KLHL24: variants seen among roughly 807,000 people sequenced by gnomAD.
KLHL24 encodes the protein kelch like family member 24.
A neutral mutation model predicts 53.4 loss-of-function variants in KLHL24; 29 were observed. The ratio of observed to expected loss-of-function variants is 0.54; its 90% confidence interval spans 0.40 to 0.74. The LOEUF (loss-of-function observed/expected upper bound fraction) is 0.74, where lower values mean the gene tolerates loss of function less well. Ranked by LOEUF, KLHL24 falls within the 30% of genes least tolerant of loss-of-function variation. KLHL24 has a pLI of 0.00. For synonymous variants in KLHL24, 222 were observed against 253.7 expected, an observed-to-expected ratio of 0.88 and a Z score of 1.19; for missense variants, 504 against 744.0, an observed-to-expected ratio of 0.68 and a Z score of 3.75.
At chr3:183,665,475 G>T (rs948690020) in intron 5 of KLHL24, among the ~76,000 whole-genome samples, 6 of 152,302 alleles carry the variant, frequency 3.9e-5, no homozygotes, top group Admixed American at 6.5e-5. Flanking sequence ...AACAGGCCAG[G>T]CACGTTGGCT....
At chr3:183,666,064 G>C (rs1720511585) in intron 5 of KLHL24, among the ~76,000 whole-genome samples, 1 of 152,056 alleles carries the variant, frequency 6.6e-6, no homozygotes, top group Admixed American at 6.6e-5. Context: ...TATATTTTTA[G>C]TAGAGGCAGG....
chr3:183,639,350 G>GA (rs1715914318), intron 1 of KLHL24, among the ~76,000 whole-genome samples: 1 of 152,114 alleles, frequency 6.6e-6, no homozygotes, highest in Non-Finnish European at 1.5e-5. Flanking sequence ...CAAATTTGTG[G>GA]CCGGGCGCGG....
At chr3:183,647,712 A>G (rs187275869) in intron 2 of KLHL24, among the ~76,000 whole-genome samples, 28 of 152,160 alleles carry the variant, frequency 1.8e-4, no homozygotes, top group Middle Eastern at 3.4e-3. Flanking sequence ...AAACAAAACA[A>G]AACATAACAG....
In KLHL24 at chr3:183,649,473, A is replaced by G. The variant is rs534575105; in HGVS notation, c.-61-823A>G. Among the ~76,000 whole-genome samples, 5 of 127,654 alleles carry G rather than the reference A, an allele frequency of 3.9e-5. 1 individual carries two copies. The South Asian group carries it at 6.6e-4, about 17-fold the overall frequency. 83.7% of individuals were successfully genotyped at this position (127,654 alleles called of 152,430 possible). On this transcript the variant is annotated intron_variant, in intron 2 of 7. Coordinates refer to ENST00000242810, the MANE Select transcript of KLHL24 (RefSeq NM_017644.3). ...TATCAATACAGCATTGGACATCTGC[A>G]TAGATAAATCTGTCGACATAATTCT...
intron 2 of KLHL24, among the ~76,000 whole-genome samples, chr3:183,645,644 GAT>G (rs1717118515): frequency 6.6e-6 from 1 of 151,814 alleles, no homozygotes; most frequent in Non-Finnish European, 1.5e-5. Context: ...TTTAAACTCA[GAT>G]ATATTTTTAT....
chr3:183,679,218 C>T lies in KLHL24; in HGVS notation c.1735C>T (p.Pro579Ser), dbSNP rs377181237. 74 of 1,613,688 alleles carry T rather than the reference C, an allele frequency of 4.6e-5. No individual in the cohort carries two copies. The highest frequency in any genetic ancestry group is 5.8e-5 in the Non-Finnish European group (69 of 1,179,814). Residue 579 changes from proline to serine, a missense_variant, in exon 8 of 8, where the codon CCC becomes TCC. Coordinates refer to ENST00000242810, the MANE Select transcript of KLHL24 (RefSeq NM_017644.3). ...TSIITGVAAMPRPVSYHGCVT... is the reference protein window; with the variant it reads ...TSIITGVAAMSRPVSYHGCVT... ...TATCATCACAGGGGTAGCTGCAATGCCCAGGCCAGTGTCCTATCATGGCTG... is the reference window on the plus strand; with the variant it reads ...TATCATCACAGGGGTAGCTGCAATGTCCAGGCCAGTGTCCTATCATGGCTG...
At position 183,672,397 on chromosome 3, in the gene KLHL24, T is replaced by C. The variant is rs1234107748; in HGVS notation, c.1515T>C (p.Tyr505=). The change falls in exon 7 of 8, where the codon TAT becomes TAC. Residue 505 remains tyrosine (Y), a synonymous_variant. Transcript: ENST00000242810. ...CTGTATCCCTAAACAACCTGATCTA[T>C]GTTGCCGGTGGACTGACCAAGGCAA... ...ITAVSLNNLI[Y]VAGGLTKAIY... 2 of 1,613,702 alleles carry C rather than the reference T, an allele frequency of 1.2e-6. No homozygotes were observed. The highest frequency in any genetic ancestry group is 2.2e-5 in the East Asian group (1 of 44,878).
chr3:183,671,130 A>G lies in KLHL24; in HGVS notation c.1321A>G (p.Lys441Glu). 2.5e-6 allele frequency: 4 copies of G among 1,614,124 alleles called. No individual in the cohort carries two copies. Among genetic ancestry groups the G allele is most frequent in the Non-Finnish European group, 3.4e-6 (4 of 1,179,992 alleles). ...SNRWTEVAPL[K>E]EAVSSPAVTS... ...TCGATGGACTGAAGTTGCTCCCCTT[A>G]AGGAAGCCGTGAGTTCTCCTGCAGT... is the stretch of plus-strand genomic sequence containing the variant. The change falls in exon 6 of 8, where the codon AAG becomes GAG. Residue 441 changes from lysine to glutamate, a missense_variant. By Grantham distance (56) the Lys-to-Glu change is moderately conservative. Coordinates refer to ENST00000242810, the MANE Select transcript of KLHL24 (RefSeq NM_017644.3).
intron 1 of KLHL24, chr3:183,643,038 C>G (rs1443163583): frequency 6.6e-6 from 1 of 152,214 alleles, no homozygotes; most frequent in Non-Finnish European, 1.5e-5. Flanking sequence ...TGAGACCAGC[C>G]TGACTAACAT....
chr3:183,678,690 G>A (rs1048152516), intron 7 of KLHL24, among the ~76,000 whole-genome samples: 1 of 151,902 alleles, frequency 6.6e-6, no homozygotes, highest in Non-Finnish European at 1.5e-5. Flanking sequence ...CTTCTGAAAG[G>A]CCCGTGTGTG....
Position 183,663,643 on chromosome 3 carries a change from G to T in KLHL24, c.1105+1G>T, listed in dbSNP as rs1293397482. 6.6e-7 allele frequency: 1 copy of T among 1,516,384 alleles called. No individual in the cohort carries two copies. Among genetic ancestry groups the T allele is most frequent in the African/African-American group, 1.4e-5 (1 of 71,750 alleles). The allele number at this position is 1,516,384 out of a possible 1,614,324, so 93.9% of individuals were successfully genotyped here. A position where few individuals can be genotyped will look rare whatever the true frequency, so the allele number is the denominator to read the frequency against. On this transcript the variant is annotated splice_donor_variant, in intron 4 of 7. Transcript: ENST00000242810. LOFTEE classifies it high-confidence loss of function. This position sits in a 1 kb window ranked among gnomAD's most constrained non-coding sequence, Gnocchi z 4.9. ...CTAAGGAATGACATTCTTGTTTCAG[G>T]TAAATATAGAATTATTACAGTAGCT...
intron 2 of KLHL24, among the ~76,000 whole-genome samples, chr3:183,648,409 C>A (rs765008459): frequency 3.3e-5 from 5 of 152,144 alleles, no homozygotes; most frequent in Non-Finnish European, 7.4e-5. Flanking sequence ...TGTTAACTTT[C>A]AAGTCTCAGT....
At chr3:183,676,641 C>T (rs147378969) in intron 7 of KLHL24, among the ~76,000 whole-genome samples, 101 of 152,268 alleles carry the variant, frequency 6.6e-4, no homozygotes, top group African/African-American at 2.2e-3. Context: ...ACCATTTCCA[C>T]GCCTCTTCTG....
chr3:183,645,510 C>G (rs6797012), intron 2 of KLHL24, among the ~76,000 whole-genome samples: 50,967 of 152,002 alleles, frequency 0.34, 9,400 homozygotes, highest in African/African-American at 0.49. Flanking sequence ...AACTGTAACC[C>G]AAGTTGGGTG....
intron 7 of KLHL24, among the ~76,000 whole-genome samples, chr3:183,674,298 TCTTTCCTTTCTTC>T (rs1721822765): frequency 6.7e-6 from 1 of 150,168 alleles, no homozygotes. Flanking sequence ...TTTCTTTCTT[TCTTTCCTTTCTTC>T]CTTCCTTCCT....
chr3:183,643,405 A>G (rs1418485374), intron 1 of KLHL24, 75 bp from the exon 2 acceptor site: 1 of 152,252 alleles, frequency 6.6e-6, no homozygotes, highest in Non-Finnish European at 1.5e-5. Context: ...TGTTCAACAT[A>G]TTAGTAAATA....
intron 3 of KLHL24, among the ~76,000 whole-genome samples, chr3:183,651,657 TA>T (rs34657278): frequency 0.16 from 24,945 of 152,144 alleles, 2,174 homozygotes; most frequent in East Asian, 0.32. Flanking sequence ...CCTCTACTTA[TA>T]AAAAAACAAT....
chr3:183,658,433 A>G (rs976459043), intron 3 of KLHL24, among the ~76,000 whole-genome samples: 2 of 152,084 alleles, frequency 1.3e-5, no homozygotes, highest in African/African-American at 4.8e-5. Context: ...TATCCTATTT[A>G]TGGATATACC....
At position 183,684,362 on chromosome 3, in the gene KLHL24, T is replaced by C. The variant is rs1712988611; in HGVS notation, c.*5076T>C. 1 of 152,654 alleles carries C rather than the reference T, an allele frequency of 6.6e-6. No homozygotes were observed. Among genetic ancestry groups the C allele is most frequent in the Non-Finnish European group, 1.5e-5 (1 of 68,030 alleles). 9.5% of individuals were successfully genotyped at this position (152,654 alleles called of 1,614,324 possible). ...GTGGAAAGAATGCTTTGTATTTAAT[T>C]GTTCTTAGTTAAGTTGTAGCACGTG... On this transcript the variant is annotated 3_prime_UTR_variant, in exon 8 of 8. Transcript: ENST00000242810.
Sources: allele counts gnomAD v4.1 joint callset (sites outside exome capture counted in the v4.1 genomes callset), GRCh38; gene constraint gnomAD v4.1.1; non-coding constraint Gnocchi (gnomAD v3.1); transcripts MANE v1.5; gene names NCBI Gene and HGNC (gene_info 2026-07-23, HGNC 2026-07-21).